Variants in TOMM20L observed in about 807,000 individuals in gnomAD.
The protein encoded by TOMM20L is TOMM20-like protein 1.
TOMM20L carries 19 observed loss-of-function variants against 20.4 expected under a neutral mutation model. That is an observed-to-expected ratio of 0.93 (90% CI 0.65 to 1.36). TOMM20L has a LOEUF of 1.36. Ranked by LOEUF, TOMM20L falls within the 40% of genes most tolerant of loss-of-function variation. TOMM20L has a pLI of 0.00. For synonymous variants in TOMM20L, 75 were observed against 79.6 expected, an observed-to-expected ratio of 0.94 and a Z score of 0.30; for missense variants, 218 against 203.7, an observed-to-expected ratio of 1.07 and a Z score of -0.43.
downstream of TOMM20L, chr14:58,408,865 TG>T: frequency 1.1e-6 from 1 of 948,506 alleles, no homozygotes; most frequent in African/African-American, 1.7e-5. Context: ...TGATTATTCC[TG>T]GTAAATAGCA....
intron 4 of TOMM20L, among the ~76,000 whole-genome samples, chr14:58,407,815 TG>T (rs1346437850): frequency 1.3e-5 from 2 of 152,224 alleles, no homozygotes; most frequent in Admixed American, 6.5e-5. Flanking sequence ...TGGTATCAAA[TG>T]AAATCCATTC....
downstream of TOMM20L, among the ~76,000 whole-genome samples, chr14:58,409,858 G>A (rs2036156495): frequency 1.3e-5 from 2 of 152,188 alleles, no homozygotes; most frequent in South Asian, 4.1e-4. Context: ...AGTTCCAGGC[G>A]TGAGCCACCG....
At chr14:58,402,177 T>A (rs998004743) in intron 2 of TOMM20L, among the ~76,000 whole-genome samples, 3 of 152,252 alleles carry the variant, frequency 2.0e-5, no homozygotes, top group East Asian at 1.9e-4. Flanking sequence ...CATGTTTTTT[T>A]AAAACACTTA....
chr14:58,400,051 T>A (rs1441307000), intron 2 of TOMM20L, among the ~76,000 whole-genome samples: 2 of 151,464 alleles, frequency 1.3e-5, no homozygotes, highest in Admixed American at 1.3e-4. Context: ...TAGAGTAAAT[T>A]TCTTCTAAAT....
In TOMM20L at chr14:58,408,528, G is replaced by C; in HGVS notation, c.406-1G>C. ...AAGTAACTATTTTATGTATTCACCA[G>C]CAATTTGAGGCAGACATGAATGAAC... On this transcript the variant is annotated splice_acceptor_variant, in intron 4 of 4. Coordinates refer to ENST00000360945, the MANE Select transcript of TOMM20L (RefSeq NM_207377.3). LOFTEE classifies it high-confidence loss of function. 6.2e-7 allele frequency: 1 copy of C among 1,613,466 alleles called. No individual in the cohort carries two copies. Among genetic ancestry groups the C allele is most frequent in the Non-Finnish European group, 8.5e-7 (1 of 1,179,760 alleles).
chr14:58,401,686 G>A (rs1049972533), intron 2 of TOMM20L, among the ~76,000 whole-genome samples: 6 of 152,170 alleles, frequency 3.9e-5, no homozygotes, highest in African/African-American at 7.2e-5. Flanking sequence ...TGAAGTAACT[G>A]GCAGTGGAGT....
At chr14:58,404,147 G>T (rs148931347) in intron 3 of TOMM20L, among the ~76,000 whole-genome samples, 19,813 of 20,250 alleles carry the variant, frequency 0.98, 9,824 homozygotes, top group Middle Eastern at 1. Context: ...TTTTTTTTTT[G>T]GAGACGGAGT....
Position 58,396,012 on chromosome 14 carries a change from G to T in TOMM20L, c.55G>T (p.Ala19Ser). 2 of 1,452,532 alleles carry T rather than the reference G, an allele frequency of 1.4e-6. No homozygotes were observed. The highest frequency in any genetic ancestry group is 1.8e-6 in the Non-Finnish European group (2 of 1,096,972). The allele number at this position is 1,452,532 out of a possible 1,614,324, so 90.0% of individuals were successfully genotyped here. The stretch of plus-strand genomic sequence containing the variant: ...CTTGGCCGCCGCGGCGGCCTGTGGC[G>T]CCTTCGCCTTCCTGGGCTATTGTAT... ...RLLAAAAACG[A>S]FAFLGYCIYL... Residue 19 changes from alanine to serine, a missense_variant, in exon 1 of 5, where the codon GCC becomes TCC. Physicochemically the swap from Ala to Ser is moderately conservative, Grantham distance 99. Transcript: ENST00000360945.
chr14:58,402,344 A>C (rs2036002628), intron 2 of TOMM20L, among the ~76,000 whole-genome samples: 1 of 151,654 alleles, frequency 6.6e-6, no homozygotes, highest in African/African-American at 2.4e-5. Flanking sequence ...GCTAGAGTGC[A>C]ATGGTGTGAT....
chr14:58,397,562 G>T (rs190762382), intron 2 of TOMM20L, among the ~76,000 whole-genome samples: 3 of 152,348 alleles, frequency 2.0e-5, no homozygotes, highest in Admixed American at 6.5e-5. Flanking sequence ...TGATGAATTT[G>T]TGGCTTGGTT....
chr14:58,414,836 C>G, the TOMM20L span, among the ~76,000 whole-genome samples: 1 of 152,202 alleles, frequency 6.6e-6, no homozygotes, highest in East Asian at 1.9e-4. Flanking sequence ...AAAGCCTCCC[C>G]ACTCCCCAGC....
Position 58,408,515 on chromosome 14 carries a change from T to C in TOMM20L, c.406-14T>C. On this transcript the variant is annotated splice_polypyrimidine_tract_variant and intron_variant, in intron 4 of 4. Coordinates refer to ENST00000360945, the MANE Select transcript of TOMM20L (RefSeq NM_207377.3). ...TGAAATGATTAGCAAGTAACTATTT[T>C]ATGTATTCACCAGCAATTTGAGGCA... The C allele has an allele frequency of 6.2e-7, 1 of 1,612,906 alleles. No individual in the cohort carries two copies. The highest frequency in any genetic ancestry group is 8.5e-7 in the Non-Finnish European group (1 of 1,179,138).
At chr14:58,409,117 T>G, downstream of TOMM20L, 1 of 1,613,948 alleles carries the variant, frequency 6.2e-7, no homozygotes, top group Non-Finnish European at 8.5e-7. Flanking sequence ...CTCATGGATA[T>G]TCTTTGTGTC....
chr14:58,405,603 C>G (rs1287402929), intron 3 of TOMM20L, among the ~76,000 whole-genome samples: 1 of 152,204 alleles, frequency 6.6e-6, no homozygotes, highest in Non-Finnish European at 1.5e-5. Context: ...CTTCCGGGTT[C>G]AAGCAATTCT....
At chr14:58,408,136 G>A (rs972093651) in intron 4 of TOMM20L, among the ~76,000 whole-genome samples, 1 of 152,186 alleles carries the variant, frequency 6.6e-6, no homozygotes, top group Non-Finnish European at 1.5e-5. Flanking sequence ...AAGATATGTG[G>A]CCAGGCGCGG....
At chr14:58,414,054 G>T in the TOMM20L span, among the ~76,000 whole-genome samples, 2 of 45,124 alleles carry the variant, frequency 4.4e-5, no homozygotes, top group Non-Finnish European at 9.7e-5. Flanking sequence ...ATAAAATAAA[G>T]CTGTTTGAAA....
intron 2 of TOMM20L, 97 bp downstream of exon 2, chr14:58,396,438 T>G (rs1594993709): frequency 1.5e-6 from 2 of 1,356,148 alleles, no homozygotes; most frequent in Non-Finnish European, 2.1e-6. Context: ...AGGTAGTTAG[T>G]TCCCTCAGCC....
At chr14:58,415,625 T>C in the TOMM20L span, among the ~76,000 whole-genome samples, 1 of 152,112 alleles carries the variant, frequency 6.6e-6, no homozygotes, top group African/African-American at 2.4e-5. Context: ...AATCAGTGAA[T>C]TGGAAGCCAG....
At chr14:58,404,306 T>G (rs1285130843) in intron 3 of TOMM20L, among the ~76,000 whole-genome samples, 3 of 144,222 alleles carry the variant, frequency 2.1e-5, no homozygotes, top group Non-Finnish European at 3.0e-5. Flanking sequence ...ATTTTTTGTA[T>G]TTTTAGTAGA....
Sources: gnomAD v4.1 joint callset for allele counts (sites outside exome capture counted in the v4.1 genomes callset) on GRCh38, gnomAD v4.1.1 for gene constraint, MANE v1.5 for transcripts, NCBI Gene and HGNC (gene_info 2026-07-23, HGNC 2026-07-21) for gene names.